Variants in SPTB observed in about 807,000 individuals in gnomAD.
SPTB encodes spectrin beta, erythrocytic.
In SPTB, 45 loss-of-function variants were observed where a neutral mutation model predicts 256.2. The observed-to-expected ratio is 0.18, with a 90% CI of 0.14 to 0.23. SPTB has a LOEUF of 0.23. SPTB is among the 10% of genes least tolerant of loss of function. The pLI, the probability that SPTB is intolerant of heterozygous loss-of-function variation, is 1.00. For synonymous variants in SPTB, 1,231 were observed against 1,243.1 expected (o/e 0.99, Z 0.21); for missense variants, 2,715 against 3,040.4 (o/e 0.89, Z 2.52).
intron 1 of SPTB, among the ~76,000 whole-genome samples, chr14:64,870,310 G>T (rs1305629336): frequency 6.7e-6 from 1 of 149,984 alleles, no homozygotes; most frequent in Non-Finnish European, 1.5e-5. Flanking sequence ...CACACAAAAA[G>T]CCCTGAAAAA....
intron 2 of SPTB, among the ~76,000 whole-genome samples, chr14:64,812,504 T>C (rs1463091354): frequency 6.6e-6 from 1 of 152,198 alleles, no homozygotes; most frequent in Non-Finnish European, 1.5e-5. Flanking sequence ...CAGCTACTTC[T>C]GAGGTTCTGC....
rs1053047718 is a variant in SPTB at position 64,759,455 on chromosome 14, C to T, written c.6346-5662G>A. On this transcript the variant is annotated intron_variant, in intron 32 of 35. Coordinates refer to ENST00000644917, the MANE Select transcript of SPTB (RefSeq NM_001355436.2). The surrounding 1 kb of genome is among the most constrained non-coding windows in gnomAD (Gnocchi z 4.8). ...CTAGCAGCATGGTTTGGCAGGAGGA[C>T]CCACCTCCCCTGAGCCTCAAGGCTA... Among the ~76,000 whole-genome samples, 3 of 152,192 alleles carry T rather than the reference C, an allele frequency of 2.0e-5. No homozygotes were observed. The highest frequency in any genetic ancestry group is 7.2e-5 in the African/African-American group (3 of 41,446).
At chr14:64,840,134 G>A (rs565123679) in intron 1 of SPTB, among the ~76,000 whole-genome samples, 2 of 152,302 alleles carry the variant, frequency 1.3e-5, no homozygotes, top group South Asian at 2.1e-4. Context: ...CAGAACCAAC[G>A]CTTGAACTCA....
intron 1 of SPTB, among the ~76,000 whole-genome samples, chr14:64,857,352 G>A (rs187397413): frequency 6.6e-6 from 1 of 152,028 alleles, no homozygotes; most frequent in Admixed American, 6.6e-5. Context: ...GGAGGCCGAG[G>A]CGGGAATATC....
At chr14:64,860,205 T>A (rs1460565427) in intron 1 of SPTB, among the ~76,000 whole-genome samples, 1 of 152,190 alleles carries the variant, frequency 6.6e-6, no homozygotes, top group Non-Finnish European at 1.5e-5. Context: ...AAAGAAAGTA[T>A]ATTCACACCC....
intron 1 of SPTB, among the ~76,000 whole-genome samples, chr14:64,862,232 G>C (rs903057762): frequency 6.6e-6 from 1 of 152,036 alleles, no homozygotes; most frequent in Non-Finnish European, 1.5e-5. Context: ...ATTAGCAACA[G>C]CAACCTCCTA....
At chr14:64,789,085 C>T (rs192458215) in intron 15 of SPTB, among the ~76,000 whole-genome samples, 118 of 152,270 alleles carry the variant, frequency 7.7e-4, no homozygotes, top group Non-Finnish European at 1.4e-3. Flanking sequence ...CTCAGTGGCT[C>T]ACACCTGTAA....
intron 2 of SPTB, among the ~76,000 whole-genome samples, chr14:64,814,625 T>C (rs2083155281): frequency 6.6e-6 from 1 of 152,168 alleles, no homozygotes; most frequent in Non-Finnish European, 1.5e-5. Flanking sequence ...AAGCAAATCT[T>C]GTGCCTCAGC....
intron 15 of SPTB, among the ~76,000 whole-genome samples, 195 bp from the exon 16 acceptor site, chr14:64,787,355 A>T (rs1030372523): frequency 1.3e-5 from 2 of 152,222 alleles, no homozygotes; most frequent in Middle Eastern, 3.2e-3. Context: ...TACTCAAGAC[A>T]TATATAACTG....
chr14:64,794,396 G>A, intron 13 of SPTB, 71 bp downstream of exon 13: 1 of 1,586,722 alleles, frequency 6.3e-7, no homozygotes, highest in Non-Finnish European at 8.6e-7. Flanking sequence ...ATTTATCCAA[G>A]TTGGGTTGTT....
In SPTB at chr14:64,845,033, G is replaced by GA. The variant is rs1364372369; in HGVS notation, c.-51-21889dup. On this transcript the variant is annotated intron_variant, in intron 1 of 35. Coordinates refer to ENST00000644917, the MANE Select transcript of SPTB (RefSeq NM_001355436.2). This position sits in a 1 kb window ranked among gnomAD's most constrained non-coding sequence, Gnocchi z 4.8. ...TACTTCCTTGTTAAAGAGAGAGATGGACATGGAAAATAAGCAAAGCACTGA... is the reference window on the plus strand; with the variant it reads ...TACTTCCTTGTTAAAGAGAGAGATGGAACATGGAAAATAAGCAAAGCACTGA... Among the ~76,000 whole-genome samples, 3 of 152,202 alleles carry GA rather than the reference G, an allele frequency of 2.0e-5. No individual in the cohort carries two copies. The highest frequency in any genetic ancestry group is 7.2e-5 in the African/African-American group (3 of 41,440).
intron 2 of SPTB, among the ~76,000 whole-genome samples, chr14:64,819,205 G>A (rs2139687248): frequency 6.6e-6 from 1 of 152,330 alleles, no homozygotes; most frequent in Non-Finnish European, 1.5e-5. Flanking sequence ...TCATTCTGGA[G>A]AGAGGTCAGG....
At chr14:64,876,201 G>A (rs1882816354) in intron 1 of SPTB, among the ~76,000 whole-genome samples, 1 of 152,124 alleles carries the variant, frequency 6.6e-6, no homozygotes, top group Non-Finnish European at 1.5e-5. Context: ...GAGTGCAGTG[G>A]CGCGATGTCG....
At chr14:64,789,007 T>G (rs559828470) in intron 15 of SPTB, among the ~76,000 whole-genome samples, 5 of 152,324 alleles carry the variant, frequency 3.3e-5, no homozygotes, top group South Asian at 4.1e-4. Flanking sequence ...ATCAAGCAAC[T>G]CTCAGTTGCC....
intron 1 of SPTB, among the ~76,000 whole-genome samples, chr14:64,872,324 G>C (rs1882579452): frequency 6.6e-6 from 1 of 152,072 alleles, no homozygotes; most frequent in African/African-American, 2.4e-5. Flanking sequence ...CATCTCACCA[G>C]GACTATCATC....
Position 64,772,620 on chromosome 14 carries a change from T to C in SPTB, c.5513A>G (p.His1838Arg), listed in dbSNP as rs747322463. ...GTGGAGCTCCCGCTCGAAGGCTGTGTGCACCCGGTGGAAGGACTCGGCCGT... is the reference window on the plus strand; with the variant it reads ...GTGGAGCTCCCGCTCGAAGGCTGTGCGCACCCGGTGGAAGGACTCGGCCGT... ...ASTAESFHRV[H>R]TAFERELHLL... is the part of the protein sequence containing the mutation. The change falls in exon 26 of 36, where the codon CAC becomes CGC. Residue 1838 changes from histidine to arginine, a missense_variant. Physicochemically the swap from His to Arg is conservative, Grantham distance 29. Coordinates refer to ENST00000644917, the MANE Select transcript of SPTB (RefSeq NM_001355436.2). The surrounding 1 kb of genome is among the most constrained non-coding windows in gnomAD (Gnocchi z 5.4). 1 of 1,612,356 alleles carries C rather than the reference T, an allele frequency of 6.2e-7. No individual in the cohort carries two copies. Among genetic ancestry groups the C allele is most frequent in the Non-Finnish European group, 8.5e-7 (1 of 1,179,896 alleles).
At position 64,799,943 on chromosome 14, in the gene SPTB, T is replaced by C; in HGVS notation, c.877-9A>G. On this transcript the variant is annotated splice_polypyrimidine_tract_variant and intron_variant, in intron 8 of 35. Transcript: ENST00000644917. ...ATGGCATGGTCAATAACCTAAGGAA[T>C]CATCTTCTTACTTATTCTCATCAGA... The C allele has an allele frequency of 6.2e-7, 1 of 1,614,034 alleles. No individual in the cohort carries two copies. The highest frequency in any genetic ancestry group is 8.5e-7 in the Non-Finnish European group (1 of 1,180,010).
rs1156755421 is a variant in SPTB, at chr14:64,749,949, A to G, written c.6776+32T>C. On this transcript the variant is annotated intron_variant, in intron 34 of 35. Transcript: ENST00000644917. The surrounding 1 kb of genome is among the most constrained non-coding windows in gnomAD (Gnocchi z 4.7). Reference sequence around the variant, plus strand: ...CCACTAATGCCAAATCAAGCCATCAACCCGAGCTTTCAAAGGCCAGGAAGG... The same window carrying G: ...CCACTAATGCCAAATCAAGCCATCAGCCCGAGCTTTCAAAGGCCAGGAAGG... The G allele has an allele frequency of 1.9e-6, 3 of 1,613,958 alleles. No homozygotes were observed. The highest frequency in any genetic ancestry group is 1.3e-5 in the African/African-American group (1 of 74,910).
At position 64,785,256 on chromosome 14, in the gene SPTB, C is replaced by A. The variant is rs1227294643; in HGVS notation, c.3855+281G>T. Among the ~76,000 whole-genome samples the A allele has an allele frequency of 6.6e-6, 1 of 152,062 alleles. No individual in the cohort carries two copies. Among genetic ancestry groups the A allele is most frequent in the African/African-American group, 2.4e-5 (1 of 41,402 alleles). On this transcript the variant is annotated intron_variant, in intron 18 of 35. Transcript: ENST00000644917. This position sits in a 1 kb window ranked among gnomAD's most constrained non-coding sequence, Gnocchi z 4.4. The stretch of plus-strand genomic sequence containing the variant: ...CACACATCCTCAAAGCTGGCCCAGA[C>A]TGGGTCCTAGGTGATTCTAAAATAG...
Sources: gnomAD v4.1 joint callset for allele counts (sites outside exome capture counted in the v4.1 genomes callset) on GRCh38, gnomAD v4.1.1 for gene constraint, Gnocchi (gnomAD v3.1) non-coding constraint, MANE v1.5 for transcripts, NCBI Gene and HGNC (gene_info 2026-07-23, HGNC 2026-07-21) for gene names.